KCNN2: variants seen among roughly 807,000 people sequenced by gnomAD.
The protein encoded by KCNN2 is potassium calcium-activated channel subfamily N member 2.
In KCNN2, 24 loss-of-function variants were observed where a neutral mutation model predicts 55.5. That is an observed-to-expected ratio of 0.43 (90% CI 0.31 to 0.61). The LOEUF (loss-of-function observed/expected upper bound fraction) is 0.61. Ranked by LOEUF, KCNN2 falls within the 20% of genes least tolerant of loss-of-function variation. The pLI is 0.08. For missense variants in KCNN2, 754 were observed against 853.6 expected (o/e 0.88, Z 1.45); for synonymous variants, 431 against 336.1 (o/e 1.28, Z -3.09).
rs147810420 is a variant in KCNN2, at chr5:114,267,927, C to G, written c.-185+46362C>G. ...AAACCAGTGTTTCTCTCTCTCCCCT[C>G]AGATGCTTTTATGGCCATTGTTCCT... On this transcript the variant is annotated intron_variant, in intron 2 of 10. Transcript: ENST00000512097. Among the ~76,000 whole-genome samples, 4 of 152,294 alleles carry G rather than the reference C, an allele frequency of 2.6e-5. No homozygotes were observed. The East Asian group carries it at 7.7e-4, about 29-fold the overall frequency.
At chr5:114,386,348 T>C (rs1264332311) in intron 2 of KCNN2, among the ~76,000 whole-genome samples, 1 of 152,200 alleles carries the variant, frequency 6.6e-6, no homozygotes, top group Admixed American at 6.5e-5. Context: ...GACCATTTTA[T>C]TGATTACTGT....
intron 2 of KCNN2, among the ~76,000 whole-genome samples, chr5:114,330,399 G>T (rs1459628782): frequency 6.6e-6 from 1 of 152,140 alleles, no homozygotes; most frequent in Non-Finnish European, 1.5e-5. Flanking sequence ...GCAATACGCA[G>T]ACTTAATTTA....
chr5:114,090,563 ATATATATATGTATG>A (rs1751119323), intron 1 of KCNN2, among the ~76,000 whole-genome samples: 1 of 124,612 alleles, frequency 8.0e-6, no homozygotes, highest in African/African-American at 2.7e-5. Flanking sequence ...CTCTCTCTCT[ATATATATATGTATG>A]TATATATATA....
In KCNN2 at chr5:114,261,582, C is replaced by T. The variant is rs114889816; in HGVS notation, c.-185+40017C>T. 6.1e-3 allele frequency among the ~76,000 whole-genome samples: 922 copies of T among 152,246 alleles called. 7 individuals are homozygous for T. The highest frequency in any genetic ancestry group is 0.02 in the African/African-American group (851 of 41,558). On this transcript the variant is annotated intron_variant, in intron 2 of 10. Transcript: ENST00000512097. Reference sequence around the variant, plus strand: ...ACAGGATATATGTTTTTGAAACTTCCACCTAAGAAATGTTTGTACCTATGG... The same window carrying T: ...ACAGGATATATGTTTTTGAAACTTCTACCTAAGAAATGTTTGTACCTATGG...
intron 1 of KCNN2, among the ~76,000 whole-genome samples, chr5:114,206,750 T>C (rs577450494): frequency 7.3e-6 from 1 of 137,324 alleles, no homozygotes; most frequent in Admixed American, 7.6e-5. Flanking sequence ...GCCTGTGGAA[T>C]ACCCTGGTAC....
chr5:114,104,861 G>C (rs1424072677), intron 1 of KCNN2, among the ~76,000 whole-genome samples: 1 of 151,832 alleles, frequency 6.6e-6, no homozygotes, highest in Non-Finnish European at 1.5e-5. Flanking sequence ...GTTTAGGCAG[G>C]GTTCATTGCA....
chr5:114,237,834 G>T (rs1308692793), intron 2 of KCNN2, among the ~76,000 whole-genome samples: 1 of 152,200 alleles, frequency 6.6e-6, no homozygotes, highest in Non-Finnish European at 1.5e-5. Context: ...TACGGGTTGG[G>T]AGAGGCTTTA....
At chr5:114,476,869 T>C (rs1761992214) in intron 5 of KCNN2, among the ~76,000 whole-genome samples, 1 of 152,218 alleles carries the variant, frequency 6.6e-6, no homozygotes, top group Non-Finnish European at 1.5e-5. Context: ...AGCCATTTTA[T>C]AGTCCTCTCA....
chr5:114,445,601 A>C (rs1018859938), intron 3 of KCNN2, among the ~76,000 whole-genome samples: 3 of 152,248 alleles, frequency 2.0e-5, no homozygotes, highest in South Asian at 2.1e-4. Flanking sequence ...AAAATGTTTG[A>C]CATGCATCAA....
intron 3 of KCNN2, among the ~76,000 whole-genome samples, chr5:114,462,527 G>A (rs1211156032): frequency 6.6e-6 from 1 of 152,144 alleles, no homozygotes; most frequent in East Asian, 1.9e-4. Context: ...GGGAGCACAG[G>A]GGAAGCACTG....
chr5:114,412,438 A>ATAGAGT (rs5870607), intron 3 of KCNN2, among the ~76,000 whole-genome samples: 77,922 of 151,370 alleles, frequency 0.51, 22,167 homozygotes, highest in African/African-American at 0.77. Flanking sequence ...TCAACTCTGT[A>ATAGAGT]TCTTAAATGA....
At chr5:114,319,437 C>G (rs1308463025) in intron 2 of KCNN2, among the ~76,000 whole-genome samples, 1 of 152,160 alleles carries the variant, frequency 6.6e-6, no homozygotes, top group Non-Finnish European at 1.5e-5. Context: ...TGCCTCAGCA[C>G]AGTGGAAATT....
chr5:114,292,388 C>A (rs1204271537), intron 2 of KCNN2, among the ~76,000 whole-genome samples: 1 of 152,146 alleles, frequency 6.6e-6, no homozygotes, highest in Non-Finnish European at 1.5e-5. Context: ...AGGAAGGGAT[C>A]CAGTTTCAGC....
chr5:114,084,373 C>T (rs1750967478), intron 1 of KCNN2, among the ~76,000 whole-genome samples: 2 of 152,030 alleles, frequency 1.3e-5, no homozygotes, highest in Non-Finnish European at 2.9e-5. Context: ...GATTTTGATA[C>T]ATACGTTATG....
chr5:114,128,295 A>G (rs1490573701), intron 1 of KCNN2, among the ~76,000 whole-genome samples: 1 of 152,160 alleles, frequency 6.6e-6, no homozygotes, highest in East Asian at 1.9e-4. Context: ...TACAATCTTG[A>G]TGAAAGGGGA....
intron 2 of KCNN2, among the ~76,000 whole-genome samples, chr5:114,318,200 C>T (rs1264900301): frequency 6.6e-6 from 1 of 152,110 alleles, no homozygotes; most frequent in East Asian, 1.9e-4. Flanking sequence ...TTTGCTTAGG[C>T]AGGATAATGC....
intron 3 of KCNN2, among the ~76,000 whole-genome samples, chr5:114,456,161 A>G (rs1760918471): frequency 1.3e-5 from 2 of 152,298 alleles, no homozygotes; most frequent in South Asian, 2.1e-4. Context: ...CCTGGCTTCA[A>G]AGTTTCAAAG....
intron 2 of KCNN2, among the ~76,000 whole-genome samples, chr5:114,251,654 T>TC (rs1336570669): frequency 2.0e-5 from 3 of 152,208 alleles, no homozygotes; most frequent in African/African-American, 7.2e-5. Context: ...ATGCACTAGA[T>TC]GTGGTCACGT....
intron 2 of KCNN2, among the ~76,000 whole-genome samples, chr5:114,351,851 G>C (rs1757208392): frequency 6.6e-6 from 1 of 151,640 alleles, no homozygotes; most frequent in South Asian, 2.1e-4. Flanking sequence ...ATTTGGATTG[G>C]TTGTATTCTG....
Sources: gnomAD v4.1 joint callset for allele counts (sites outside exome capture counted in the v4.1 genomes callset) on GRCh38, gnomAD v4.1.1 for gene constraint, MANE v1.5 for transcripts, NCBI Gene and HGNC (gene_info 2026-07-23, HGNC 2026-07-21) for gene names.